Variants in TTC23L observed in about 807,000 individuals in gnomAD.
The protein encoded by TTC23L is tetratricopeptide repeat protein 23-like.
In TTC23L, 42 loss-of-function variants were observed where a neutral mutation model predicts 48.1. The ratio of observed to expected loss-of-function variants is 0.87; its 90% CI spans 0.68 to 1.13. The LOEUF (loss-of-function observed/expected upper bound fraction) is 1.13, where lower values mean the gene tolerates loss of function less well. Ranked by LOEUF, TTC23L falls within the 50% of genes most tolerant of loss-of-function variation. TTC23L has a pLI of 0.00. For missense variants in TTC23L, 391 were observed against 421.0 expected (o/e 0.93, Z 0.62); for synonymous variants, 159 against 157.2 (o/e 1.01, Z -0.09).
chr5:34,846,668 TG>T (rs1225258696), intron 3 of TTC23L, among the ~76,000 whole-genome samples: 3 of 45,544 alleles, frequency 6.6e-5, no homozygotes, highest in Non-Finnish European at 1.6e-4. Context: ...TATGTGTGTA[TG>T]TGTGTGTGTG....
At chr5:34,919,655 T>G in the TTC23L span, among the ~76,000 whole-genome samples, 1 of 152,330 alleles carries the variant, frequency 6.6e-6, no homozygotes, top group South Asian at 2.1e-4. Flanking sequence ...TTTCTTTACA[T>G]TTACAAAGAG....
intron 7 of TTC23L, chr5:34,868,157 T>G (rs1029298518): frequency 6.6e-6 from 1 of 152,248 alleles, no homozygotes; most frequent in African/African-American, 2.4e-5. Flanking sequence ...CTAACTCAGC[T>G]GACATTGTAT....
chr5:34,839,754 G>T, intron 1 of TTC23L: 1 of 687,454 alleles, frequency 1.5e-6, no homozygotes, highest in Non-Finnish European at 1.8e-6. Context: ...AACTGCGTTC[G>T]ATTTGGGTTT....
At chr5:34,911,700 C>T in the TTC23L span, 1 of 1,614,156 alleles carries the variant, frequency 6.2e-7, no homozygotes, top group Non-Finnish European at 8.5e-7. Context: ...CCAGGGTCTC[C>T]TCAGGTTCCT....
At chr5:34,846,584 T>A (rs1201961288) in intron 3 of TTC23L, among the ~76,000 whole-genome samples, 5,979 of 69,574 alleles carry the variant, frequency 0.086, 1,040 homozygotes, top group African/African-American at 0.26. Flanking sequence ...AAAATATATA[T>A]ATATATATAT....
exon 3 of TTC23L, chr5:34,845,570 C>T (rs773132803): frequency 1.9e-6 from 3 of 1,613,848 alleles, no homozygotes; most frequent in South Asian, 2.2e-5. Context: ...GAAGAGGAAA[C>T]TAAAGCTAAA....
chr5:34,862,949 T>G, exon 5 of TTC23L: 1 of 1,614,020 alleles, frequency 6.2e-7, no homozygotes, highest in Non-Finnish European at 8.5e-7. Context: ...AATACACTGT[T>G]GACCTGGAAG....
At chr5:34,870,740 T>A (rs1761393043) in intron 8 of TTC23L, among the ~76,000 whole-genome samples, 1 of 152,098 alleles carries the variant, frequency 6.6e-6, no homozygotes, top group African/African-American at 2.4e-5. Flanking sequence ...CATGATCAAG[T>A]GAGATCCAGT....
chr5:34,923,120 CT>C, the TTC23L span: 2 of 1,606,640 alleles, frequency 1.2e-6, no homozygotes, highest in Non-Finnish European at 8.5e-7. Context: ...CTAACATACA[CT>C]TTTTTAACTA....
rs567610561 is a variant in TTC23L at position 34,853,088 on chromosome 5, C to A, written c.379+2780C>A. ...TCCTGGTGAGATTTGGGTGAGGACACAACTAAACCATATCATGGAGGAAGG... is the reference window on the plus strand; with the variant it reads ...TCCTGGTGAGATTTGGGTGAGGACAAAACTAAACCATATCATGGAGGAAGG... On this transcript the variant is annotated intron_variant, in intron 4 of 10. Coordinates refer to ENST00000505624, the Ensembl canonical transcript of TTC23L. 1.2e-4 allele frequency among the ~76,000 whole-genome samples: 19 copies of A among 152,274 alleles called. 1 individual carries two copies. The East Asian group carries it at 3.5e-3, about 28-fold the overall frequency.
intron 3 of TTC23L, among the ~76,000 whole-genome samples, chr5:34,847,277 G>A (rs1759284412): frequency 6.6e-6 from 1 of 152,146 alleles, no homozygotes; most frequent in South Asian, 2.1e-4. Context: ...CAGGCTAGAA[G>A]GATCATTTCT....
the TTC23L span, chr5:34,918,445 T>C: frequency 1.9e-6 from 3 of 1,608,968 alleles, no homozygotes; most frequent in South Asian, 1.1e-5. Flanking sequence ...AATGCAGGAC[T>C]TGAGAATGTT....
chr5:34,885,020 A>G (rs974841639), intron 9 of TTC23L, among the ~76,000 whole-genome samples: 1 of 152,236 alleles, frequency 6.6e-6, no homozygotes, highest in Non-Finnish European at 1.5e-5. Flanking sequence ...TGAGGGAGCC[A>G]GCAATAATAC....
At chr5:34,909,189 TA>T in the TTC23L span, 1 of 1,245,764 alleles carries the variant, frequency 8.0e-7, no homozygotes, top group Non-Finnish European at 1.1e-6. Context: ...AAAGTGTTTT[TA>T]TTTAACAGAA....
Position 34,859,840 on chromosome 5 carries a change from C to CT in TTC23L, c.380-3037dup, listed in dbSNP as rs10590697. On this transcript the variant is annotated intron_variant, in intron 4 of 10. Coordinates refer to ENST00000505624, the Ensembl canonical transcript of TTC23L. ...TTTTCTTTTCTTTTCTTTTCTTCTT[C>CT]TTTTTTTTTTTTTTTTTTTTTGAGA... Among the ~76,000 whole-genome samples, 711 of 95,274 alleles carry CT rather than the reference C, an allele frequency of 7.5e-3. 20 individuals are homozygous for CT. Among genetic ancestry groups the CT allele is most frequent in the East Asian group, 0.018 (57 of 3,136 alleles). 62.5% of individuals were successfully genotyped at this position (95,274 alleles called of 152,430 possible).
chr5:34,908,971 C>A, the TTC23L span: 43 of 1,576,140 alleles, frequency 2.7e-5, no homozygotes, highest in Non-Finnish European at 3.6e-5. Flanking sequence ...AAATAAAACG[C>A]TGTTATATCA....
the TTC23L span, chr5:34,922,479 G>A: frequency 9.6e-7 from 1 of 1,041,820 alleles, no homozygotes; most frequent in South Asian, 1.3e-5. Context: ...ATGGTGAATA[G>A]GTGGTAAGCA....
intron 8 of TTC23L, among the ~76,000 whole-genome samples, chr5:34,870,436 C>T (rs1336550890): frequency 6.6e-6 from 1 of 152,064 alleles, no homozygotes; most frequent in Non-Finnish European, 1.5e-5. Context: ...TGAATAGACC[C>T]ATAACTATTT....
intron 9 of TTC23L, among the ~76,000 whole-genome samples, chr5:34,894,717 G>GGACA (rs1411136124): frequency 1.3e-5 from 2 of 152,112 alleles, no homozygotes; most frequent in Admixed American, 6.6e-5. Context: ...GTGAGATCTT[G>GGACA]GACAAATCGC....
Sources: allele counts gnomAD v4.1 joint callset (sites outside exome capture counted in the v4.1 genomes callset), GRCh38; gene constraint gnomAD v4.1.1; transcripts MANE v1.5; gene names NCBI Gene and HGNC (gene_info 2026-07-23, HGNC 2026-07-21).